PPP4R4: variants seen among roughly 807,000 people sequenced by gnomAD.
PPP4R4 encodes the protein serine/threonine-protein phosphatase 4 regulatory subunit 4.
PPP4R4 carries 70 observed loss-of-function variants against 121.8 expected under a neutral mutation model. The ratio of observed to expected loss-of-function variants is 0.57; its 90% confidence interval spans 0.47 to 0.70. PPP4R4 has a LOEUF of 0.70. Among genes scored for constraint, PPP4R4 ranks in the 30% least tolerant of loss-of-function variants. PPP4R4 has a pLI of 0.00. For synonymous variants in PPP4R4, 348 were observed against 355.7 expected (o/e 0.98, Z 0.24); for missense variants, 875 against 1,033.6 (o/e 0.85, Z 2.10).
In PPP4R4 at chr14:94,258,808, A is replaced by G. The variant is rs755320482; in HGVS notation, c.2036A>G (p.Glu679Gly). The G allele has an allele frequency of 6.3e-7, 1 of 1,586,298 alleles. No individual in the cohort carries two copies. The highest frequency in any genetic ancestry group is 8.7e-7 in the Non-Finnish European group (1 of 1,155,632). The change falls in exon 18 of 25, where the codon GAA becomes GGA. Residue 679 changes from glutamate to glycine, a missense_variant. By Grantham distance (98) the Glu-to-Gly change is moderately conservative. Coordinates refer to ENST00000304338, the MANE Select transcript of PPP4R4 (RefSeq NM_058237.2). ...ACTGTATTAGAGTTGGACAGAATGG[A>G]AATGTCTATGGATGCTGTAAGTATA... is the stretch of plus-strand genomic sequence containing the variant. Reference protein sequence around the residue: ...KRTVLELDRMEMSMDAFQKKF... With the variant: ...KRTVLELDRMGMSMDAFQKKF...
chr14:94,272,886 A>G (rs541267777), intron 23 of PPP4R4, among the ~76,000 whole-genome samples: 26 of 152,354 alleles, frequency 1.7e-4, no homozygotes, highest in African/African-American at 5.8e-4. Context: ...GAAAACAAGC[A>G]TATGCAAAGA....
intron 11 of PPP4R4, among the ~76,000 whole-genome samples, chr14:94,244,157 A>G (rs1892771901): frequency 6.6e-6 from 1 of 152,184 alleles, no homozygotes; most frequent in African/African-American, 2.4e-5. Flanking sequence ...TGCTGGTTAA[A>G]GTCTTTGATG....
chr14:94,215,478 G>A (rs1470720012), intron 3 of PPP4R4, among the ~76,000 whole-genome samples: 1 of 152,122 alleles, frequency 6.6e-6, no homozygotes, highest in East Asian at 1.9e-4. Context: ...TGATGTTCCA[G>A]ACCCTTACAG....
At chr14:94,177,472 T>A (rs568696122) in intron 2 of PPP4R4, among the ~76,000 whole-genome samples, 13 of 152,250 alleles carry the variant, frequency 8.5e-5, no homozygotes, top group Non-Finnish European at 1.2e-4. Flanking sequence ...GAACAATAGA[T>A]GTCAACATTT....
chr14:94,265,487 T>C lies in PPP4R4; in HGVS notation c.2284+14T>C. On this transcript the variant is annotated intron_variant, in intron 21 of 24. Coordinates refer to ENST00000304338, the MANE Select transcript of PPP4R4 (RefSeq NM_058237.2). ...CCCCATCGACAAGTAAGAAATAACT[T>C]CTTTTTATATCTTTTTGTAATTTTT... is the stretch of plus-strand genomic sequence containing the variant. 1 of 1,567,328 alleles carries C rather than the reference T, an allele frequency of 6.4e-7. No homozygotes were observed. The highest frequency in any genetic ancestry group is 8.8e-7 in the Non-Finnish European group (1 of 1,139,274).
At chr14:94,255,594 CTG>C (rs1410175175) in intron 16 of PPP4R4, among the ~76,000 whole-genome samples, 1 of 142,856 alleles carries the variant, frequency 7.0e-6, no homozygotes, top group Non-Finnish European at 1.5e-5. Context: ...GAGCAAGACT[CTG>C]TCTCAAAAAA....
intron 16 of PPP4R4, among the ~76,000 whole-genome samples, chr14:94,254,919 C>A (rs1024379616): frequency 1.3e-5 from 2 of 152,128 alleles, no homozygotes; most frequent in African/African-American, 4.8e-5. Flanking sequence ...TGTGGTAGTG[C>A]CTTAGACCAC....
At chr14:94,184,268 T>C (rs2139385632) in intron 2 of PPP4R4, among the ~76,000 whole-genome samples, 1 of 149,170 alleles carries the variant, frequency 6.7e-6, no homozygotes, top group South Asian at 2.1e-4. Context: ...CATAGCTTTC[T>C]TTTTTTTTTG....
chr14:94,194,687 G>A (rs1235249751), intron 2 of PPP4R4, among the ~76,000 whole-genome samples: 1 of 152,034 alleles, frequency 6.6e-6, no homozygotes, highest in Non-Finnish European at 1.5e-5. Flanking sequence ...GGACTTGAAT[G>A]CCTGGGCCTG....
At chr14:94,236,737 A>G (rs900361556) in intron 7 of PPP4R4, among the ~76,000 whole-genome samples, 1 of 152,212 alleles carries the variant, frequency 6.6e-6, no homozygotes, top group Admixed American at 6.5e-5. Flanking sequence ...GAAGAGTACA[A>G]ATGATAAACA....
At chr14:94,235,834 G>A (rs544750160) in intron 7 of PPP4R4, among the ~76,000 whole-genome samples, 13 of 152,158 alleles carry the variant, frequency 8.5e-5, no homozygotes, top group African/African-American at 2.7e-4. Context: ...AACCATCTTG[G>A]GAAATCTTTT....
At chr14:94,214,313 A>G (rs1890901570) in intron 3 of PPP4R4, among the ~76,000 whole-genome samples, 1 of 152,152 alleles carries the variant, frequency 6.6e-6, no homozygotes, top group Non-Finnish European at 1.5e-5. Context: ...GGGTTTGGAG[A>G]GGATTTGGGA....
rs1171083572 is a variant in PPP4R4 at position 94,278,768 on chromosome 14, A to T, written c.*125A>T. ...TGGGTTTTTTTTTTTGTTGTTGTTA[A>T]TGAGCAGAAAGAGAGACATAATGAC... On this transcript the variant is annotated 3_prime_UTR_variant, in exon 25 of 25. Transcript: ENST00000304338. The T allele has an allele frequency of 2.2e-6, 2 of 891,620 alleles. No homozygotes were observed. Among genetic ancestry groups the T allele is most frequent in the Admixed American group, 6.0e-5 (2 of 33,554 alleles). 55.2% of individuals were successfully genotyped at this position (891,620 alleles called of 1,614,324 possible).
At chr14:94,264,657 T>G (rs1204267633) in intron 19 of PPP4R4, among the ~76,000 whole-genome samples, 2 of 152,188 alleles carry the variant, frequency 1.3e-5, no homozygotes, top group Non-Finnish European at 2.9e-5. Context: ...CCAAACTCAT[T>G]GTTTTAGCTT....
At chr14:94,275,672 CTGTTA>C (rs1894600154) in intron 24 of PPP4R4, 151 bp downstream of exon 24, 1 of 871,870 alleles carries the variant, frequency 1.1e-6, no homozygotes, top group African/African-American at 1.7e-5. Context: ...ACATGTGACT[CTGTTA>C]TGTTAGTTTA....
intron 23 of PPP4R4, among the ~76,000 whole-genome samples, chr14:94,270,717 C>T (rs949025200): frequency 3.9e-5 from 6 of 151,976 alleles, no homozygotes; most frequent in Non-Finnish European, 8.8e-5. Flanking sequence ...GTCAGGAGTT[C>T]AAGACCTGCC....
rs1007290491 is a variant in PPP4R4, at chr14:94,227,907, T to C, written c.295-2680T>C. The C allele has an allele frequency of 3.1e-6, 3 of 974,350 alleles. No individual in the cohort carries two copies. The African/African-American group carries it at 5.3e-5, about 17-fold the overall frequency. 60.4% of individuals were successfully genotyped at this position (974,350 alleles called of 1,614,324 possible). ...TTAAAAGTGTTTTCCAAACCCCAAATTGTTAGTGTGGAAGAAATGTTTCTT... is the reference window on the plus strand; with the variant it reads ...TTAAAAGTGTTTTCCAAACCCCAAACTGTTAGTGTGGAAGAAATGTTTCTT... On this transcript the variant is annotated intron_variant, in intron 3 of 24. Transcript: ENST00000304338.
At chr14:94,250,914 A>T (rs988544774) in intron 15 of PPP4R4, among the ~76,000 whole-genome samples, 7 of 152,002 alleles carry the variant, frequency 4.6e-5, no homozygotes, top group African/African-American at 1.7e-4. Flanking sequence ...ATTATCCAGC[A>T]TAGGCAGGTA....
intron 3 of PPP4R4, among the ~76,000 whole-genome samples, chr14:94,229,902 TAGAA>T (rs1891921316): frequency 6.6e-6 from 1 of 152,172 alleles, no homozygotes; most frequent in African/African-American, 2.4e-5. Flanking sequence ...GAGGCTTACG[TAGAA>T]AGATAGTTTT....
Sources: gnomAD v4.1 joint callset for allele counts (sites outside exome capture counted in the v4.1 genomes callset) on GRCh38, gnomAD v4.1.1 for gene constraint, MANE v1.5 for transcripts, NCBI Gene and HGNC (gene_info 2026-07-23, HGNC 2026-07-21) for gene names.